Variants in PCDH15 observed in about 807,000 individuals in gnomAD.
PCDH15 encodes the protein protocadherin-15.
PCDH15 carries 129 observed loss-of-function variants against 178.5 expected under a neutral mutation model. That is an observed-to-expected ratio of 0.72 (90% CI 0.63 to 0.84). PCDH15 has a LOEUF of 0.84. Among genes scored for constraint, PCDH15 ranks in the 40% least tolerant of loss-of-function variants. The pLI, the probability that PCDH15 is intolerant of heterozygous loss-of-function variation, is 0.00. For synonymous variants in PCDH15, 800 were observed against 732.0 expected (o/e 1.09, Z -1.50); for missense variants, 2,230 against 2,099.9 (o/e 1.06, Z -1.21).
intron 16 of PCDH15, among the ~76,000 whole-genome samples, chr10:54,083,116 A>G (rs918951378): frequency 4.6e-5 from 7 of 152,286 alleles, no homozygotes; most frequent in African/African-American, 1.7e-4. Context: ...CATTACTAAC[A>G]ACAACAACAA....
chr10:55,502,432 A>G (rs967415701), intron 2 of PCDH15, among the ~76,000 whole-genome samples: 2 of 151,712 alleles, frequency 1.3e-5, no homozygotes, highest in African/African-American at 4.8e-5. Flanking sequence ...AAATACTTCT[A>G]GTATACACTA....
chr10:55,425,641 C>A (rs899065856), intron 2 of PCDH15, among the ~76,000 whole-genome samples: 3 of 148,504 alleles, frequency 2.0e-5, no homozygotes, highest in Non-Finnish European at 4.4e-5. Context: ...AGAAGAGTTA[C>A]CCGCTACTAG....
intron 13 of PCDH15, among the ~76,000 whole-genome samples, chr10:54,162,435 GCTGT>G (rs958209143): frequency 2.4e-4 from 37 of 152,166 alleles, no homozygotes; most frequent in African/African-American, 6.3e-4. Flanking sequence ...ACTATGAAAG[GCTGT>G]CTGTGTTGAG....
chr10:55,070,178 GC>G (rs1841692942), intron 2 of PCDH15, among the ~76,000 whole-genome samples: 1 of 151,762 alleles, frequency 6.6e-6, no homozygotes, highest in African/African-American at 2.4e-5. Flanking sequence ...CTGGATATTA[GC>G]CCTTTGTCAG....
intron 26 of PCDH15, among the ~76,000 whole-genome samples, chr10:53,893,166 A>T (rs1042091393): frequency 5.3e-5 from 8 of 152,180 alleles, no homozygotes; most frequent in Non-Finnish European, 7.4e-5. Flanking sequence ...TAACAAAAAT[A>T]GCCCAGTTGT....
chr10:54,941,121 A>G (rs1838052242), intron 2 of PCDH15, among the ~76,000 whole-genome samples: 1 of 151,874 alleles, frequency 6.6e-6, no homozygotes. Context: ...CATTAAGTAA[A>G]TACTTTTTGG....
At chr10:55,380,847 G>A (rs1222394844) in intron 2 of PCDH15, among the ~76,000 whole-genome samples, 2 of 152,084 alleles carry the variant, frequency 1.3e-5, no homozygotes, top group Middle Eastern at 3.2e-3. Context: ...AAAGTAAAAC[G>A]TCAGACCCTT....
Position 53,807,112 on chromosome 10 carries a change from T to C in PCDH15, c.4690A>G (p.Ile1564Val). 6.3e-7 allele frequency: 1 copy of C among 1,596,230 alleles called. No homozygotes were observed. The highest frequency in any genetic ancestry group is 8.5e-7 in the Non-Finnish European group (1 of 1,172,148). ...TACTCTCGATCAACAACTAACTTGATCATTCTTTTTCTTGCCCACTGATAA... is the reference window on the plus strand; with the variant it reads ...TACTCTCGATCAACAACTAACTTGACCATTCTTTTTCTTGCCCACTGATAA... ...EEEEWARKRM[I>V]KLVVDREYET... Residue 1564 changes from isoleucine (I) to valine (V), a missense_variant, in exon 38 of 38, where the codon ATC (isoleucine) becomes GTC (valine). Coordinates refer to ENST00000644397, the MANE Select transcript of PCDH15 (RefSeq NM_001384140.1).
intron 3 of PCDH15, among the ~76,000 whole-genome samples, chr10:54,890,307 G>A (rs1411079467): frequency 6.6e-6 from 1 of 152,014 alleles, no homozygotes; most frequent in Non-Finnish European, 1.5e-5. Context: ...TGTTTAAGAA[G>A]TATGATTAAG....
At chr10:54,219,100 A>C (rs1315516824) in intron 9 of PCDH15, among the ~76,000 whole-genome samples, 7 of 141,996 alleles carry the variant, frequency 4.9e-5, no homozygotes, top group African/African-American at 1.4e-4. Context: ...AAAAAAAAAA[A>C]AAAAAAACAA....
intron 2 of PCDH15, among the ~76,000 whole-genome samples, chr10:55,371,932 C>A (rs191691481): frequency 9.4e-4 from 143 of 152,166 alleles, no homozygotes; most frequent in Non-Finnish European, 1.7e-3. Context: ...TTCATGTTTA[C>A]ATTAAGATTT....
chr10:54,197,622 C>T (rs1468763671), intron 10 of PCDH15, among the ~76,000 whole-genome samples: 1 of 152,062 alleles, frequency 6.6e-6, no homozygotes. Flanking sequence ...AGCTAGAGAT[C>T]TCTAACTGTT....
chr10:54,640,319 A>G (rs1486596839), intron 2 of PCDH15, among the ~76,000 whole-genome samples: 1 of 152,000 alleles, frequency 6.6e-6, no homozygotes, highest in Admixed American at 6.6e-5. Flanking sequence ...AAATCAGGGC[A>G]AAACATTTAG....
At chr10:54,969,394 G>A (rs1043087157) in intron 2 of PCDH15, among the ~76,000 whole-genome samples, 1 of 152,106 alleles carries the variant, frequency 6.6e-6, no homozygotes, top group Non-Finnish European at 1.5e-5. Context: ...TTTCCATTCT[G>A]TGAATTAATT....
At chr10:53,993,366 G>T (rs2091648039) in intron 21 of PCDH15, among the ~76,000 whole-genome samples, 1 of 152,150 alleles carries the variant, frequency 6.6e-6, no homozygotes, top group Non-Finnish European at 1.5e-5. Flanking sequence ...CAGGCTTAGA[G>T]TTAGACATGA....
At chr10:55,191,218 T>G (rs1839936355) in intron 1 of PCDH15, among the ~76,000 whole-genome samples, 1 of 147,740 alleles carries the variant, frequency 6.8e-6, no homozygotes, top group South Asian at 2.1e-4. Flanking sequence ...TTTTTTTTAT[T>G]TTTGTGACAT....
At chr10:54,629,091 T>C (rs2093633485) in intron 2 of PCDH15, among the ~76,000 whole-genome samples, 1 of 152,034 alleles carries the variant, frequency 6.6e-6, no homozygotes, top group South Asian at 2.1e-4. Flanking sequence ...ATAATGTTCA[T>C]CTAGCTACAG....
intron 1 of PCDH15, among the ~76,000 whole-genome samples, chr10:54,701,970 C>T (rs1470528688): frequency 6.6e-6 from 1 of 151,988 alleles, no homozygotes; most frequent in Non-Finnish European, 1.5e-5. Flanking sequence ...CAGACATAGA[C>T]AGAACTTTCC....
At chr10:54,165,846 G>A (rs928389293) in intron 13 of PCDH15, among the ~76,000 whole-genome samples, 20 of 152,056 alleles carry the variant, frequency 1.3e-4, no homozygotes, top group South Asian at 2.1e-4. Flanking sequence ...GTCTGACTCC[G>A]AAAAATGAAG....
Sources: allele counts gnomAD v4.1 joint callset (sites outside exome capture counted in the v4.1 genomes callset), GRCh38; gene constraint gnomAD v4.1.1; transcripts MANE v1.5; gene names NCBI Gene and HGNC (gene_info 2026-07-23, HGNC 2026-07-21).